Variants in TFB1M observed in about 807,000 individuals in gnomAD.
TFB1M encodes the protein dimethyladenosine transferase 1, mitochondrial.
TFB1M carries 27 observed loss-of-function variants against 31.1 expected under a neutral mutation model. The observed-to-expected ratio is 0.87, with a 90% CI of 0.64 to 1.20. TFB1M has a LOEUF of 1.20. Ranked by LOEUF, TFB1M falls within the 50% of genes most tolerant of loss-of-function variation. The pLI is 0.00. For synonymous variants in TFB1M, 166 were observed against 151.8 expected (o/e 1.09, Z -0.69); for missense variants, 394 against 418.7 (o/e 0.94, Z 0.51).
At position 155,305,569 on chromosome 6, in the gene TFB1M, TTA is replaced by T. The variant is rs569350896; in HGVS notation, c.285+5617_285+5618del. Among the ~76,000 whole-genome samples, 24 of 50,216 alleles carry T rather than the reference TTA, an allele frequency of 4.8e-4. 2 individuals are homozygous for T. Among genetic ancestry groups the T allele is most frequent in the African/African-American group, 1.2e-3 (11 of 9,464 alleles). The allele number at this position is 50,216 out of a possible 152,430, so 32.9% of individuals were successfully genotyped here. A position where few individuals can be genotyped will look rare whatever the true frequency, so the allele number is the denominator to read the frequency against. ...TATAAATATATATTAAATTATATAT[TTA>T]TATATATATTAAATTATATATTTAT... On this transcript the variant is annotated intron_variant, in intron 2 of 6. Coordinates refer to ENST00000367166, the MANE Select transcript of TFB1M (RefSeq NM_016020.4).
Position 155,257,717 on chromosome 6 carries a change from A to C in TFB1M, c.*119T>G. 1 of 1,222,914 alleles carries C rather than the reference A, an allele frequency of 8.2e-7. No individual in the cohort carries two copies. Among genetic ancestry groups the C allele is most frequent in the Non-Finnish European group, 1.2e-6 (1 of 856,990 alleles). 75.8% of individuals were successfully genotyped at this position (1,222,914 alleles called of 1,614,324 possible). A position where few individuals can be genotyped will look rare whatever the true frequency, so the allele number is the denominator to read the frequency against. ...CAAGCTGTATAGTAAAAGGAAAATA[A>C]GTCACATCTGGTCATTGGCATTTGT... On this transcript the variant is annotated 3_prime_UTR_variant, in exon 7 of 7. Coordinates refer to ENST00000367166, the MANE Select transcript of TFB1M (RefSeq NM_016020.4).
chr6:155,282,525 C>A (rs990900676), intron 5 of TFB1M, among the ~76,000 whole-genome samples: 2 of 152,156 alleles, frequency 1.3e-5, no homozygotes, highest in Non-Finnish European at 2.9e-5. Context: ...TAGTAAATTT[C>A]TTCTGAGCAT....
At chr6:155,250,891 A>C in the TFB1M span, 14 of 1,608,166 alleles carry the variant, frequency 8.7e-6, no homozygotes, top group East Asian at 3.1e-4. Context: ...TATCTTCCTT[A>C]CCTCCTGTTT....
At chr6:155,306,368 G>C (rs979368938) in intron 2 of TFB1M, among the ~76,000 whole-genome samples, 2 of 152,098 alleles carry the variant, frequency 1.3e-5, no homozygotes, top group African/African-American at 4.8e-5. Context: ...TCTACTCCTA[G>C]GTCTTTACTC....
rs1778143040 is a variant in TFB1M at position 155,314,134 on chromosome 6, C to A, written c.133+162G>T. On this transcript the variant is annotated intron_variant, in intron 1 of 6. Transcript: ENST00000367166. ...CAACGCACTTCACGTGTCTCCTGGG[C>A]GGTGGGACCGGAGTTCTGATACAAA... 3 of 1,476,682 alleles carry A rather than the reference C, an allele frequency of 2.0e-6. No homozygotes were observed. In the Admixed American group the frequency reaches 6.7e-5, roughly 33 times the overall value. 91.5% of individuals were successfully genotyped at this position (1,476,682 alleles called of 1,614,324 possible). A position where few individuals can be genotyped will look rare whatever the true frequency, so the allele number is the denominator to read the frequency against.
chr6:155,240,699 C>A, the TFB1M span: 1 of 1,611,648 alleles, frequency 6.2e-7, no homozygotes. Flanking sequence ...ACAGAGAAGT[C>A]CTACGTGAAG....
Position 155,256,603 on chromosome 6 carries a change from A to G in TFB1M, c.*1233T>C. The G allele has an allele frequency of 6.2e-7, 1 of 1,614,188 alleles. No homozygotes were observed. The highest frequency in any genetic ancestry group is 8.5e-7 in the Non-Finnish European group (1 of 1,180,038). ...CAGCTTGAGCAGCGGCACCCAGAGCAGCGGCTGCCCCACGGCTGAGGGCAG... is the reference window on the plus strand; with the variant it reads ...CAGCTTGAGCAGCGGCACCCAGAGCGGCGGCTGCCCCACGGCTGAGGGCAG... On this transcript the variant is annotated 3_prime_UTR_variant, in exon 7 of 7. Transcript: ENST00000367166.
intron 1 of TFB1M, 126 bp downstream of exon 1, chr6:155,314,170 G>A: frequency 3.9e-6 from 6 of 1,544,172 alleles, no homozygotes; most frequent in Non-Finnish European, 5.2e-6. Context: ...GAGGTCGAAG[G>A]ACCTGACCAA....
intron 2 of TFB1M, among the ~76,000 whole-genome samples, chr6:155,307,912 A>G (rs940351024): frequency 6.6e-6 from 1 of 151,776 alleles, no homozygotes; most frequent in African/African-American, 2.4e-5. Flanking sequence ...ATAAACAGAA[A>G]AAAAAAAAAA....
At chr6:155,310,973 G>A in intron 2 of TFB1M, 1 of 577,620 alleles carries the variant, frequency 1.7e-6, no homozygotes, top group South Asian at 2.2e-5. Context: ...TTTTTTTCAA[G>A]GTGTAGTCAA....
the TFB1M span, among the ~76,000 whole-genome samples, chr6:155,241,395 C>G: frequency 2.0e-5 from 3 of 152,136 alleles, no homozygotes; most frequent in Non-Finnish European, 4.4e-5. Context: ...TGAAGCAGCG[C>G]GGCACGGTGC....
At chr6:155,286,620 T>C (rs71575029) in intron 4 of TFB1M, among the ~76,000 whole-genome samples, 53,537 of 139,966 alleles carry the variant, frequency 0.38, 10,683 homozygotes, top group East Asian at 0.65. Context: ...TATATATGTG[T>C]ATATATGTGT....
chr6:155,238,380 C>T, the TFB1M span, among the ~76,000 whole-genome samples: 1 of 152,236 alleles, frequency 6.6e-6, no homozygotes, highest in African/African-American at 2.4e-5. Flanking sequence ...CTTCTGAGCC[C>T]TCCAAACTGT....
intron 1 of TFB1M, among the ~76,000 whole-genome samples, chr6:155,312,130 T>A (rs9480106): frequency 1.3e-5 from 2 of 152,174 alleles, no homozygotes; most frequent in Non-Finnish European, 2.9e-5. Flanking sequence ...CTGGTCTTCC[T>A]AGGATAGTGG....
intron 2 of TFB1M, among the ~76,000 whole-genome samples, chr6:155,302,106 G>A (rs1777456621): frequency 6.6e-6 from 1 of 152,140 alleles, no homozygotes; most frequent in South Asian, 2.1e-4. Context: ...ACTGGATGAG[G>A]AAAGAATTTA....
chr6:155,314,109 C>G, intron 1 of TFB1M, 187 bp downstream of exon 1: 1 of 1,476,274 alleles, frequency 6.8e-7, no homozygotes, highest in Middle Eastern at 2.5e-4. Context: ...TGTGAGCAAT[C>G]AACGCACTTC....
chr6:155,235,747 TCTG>T, the TFB1M span, among the ~76,000 whole-genome samples: 5 of 152,230 alleles, frequency 3.3e-5, no homozygotes, highest in African/African-American at 1.2e-4. Flanking sequence ...AAGAAGTAAA[TCTG>T]CTATGAAAAA....
At chr6:155,271,348 C>A (rs1426199928) in intron 5 of TFB1M, among the ~76,000 whole-genome samples, 4 of 152,136 alleles carry the variant, frequency 2.6e-5, no homozygotes, top group African/African-American at 9.7e-5. Flanking sequence ...TGATCACAGT[C>A]TTATCTGATG....
chr6:155,265,191 G>C (rs1784572842), intron 5 of TFB1M, among the ~76,000 whole-genome samples: 1 of 152,202 alleles, frequency 6.6e-6, no homozygotes, highest in African/African-American at 2.4e-5. Flanking sequence ...AGGCTGCCCA[G>C]CCGGGCCATG....
Sources: gnomAD v4.1 joint callset for allele counts (sites outside exome capture counted in the v4.1 genomes callset) on GRCh38, gnomAD v4.1.1 for gene constraint, MANE v1.5 for transcripts, NCBI Gene and HGNC (gene_info 2026-07-23, HGNC 2026-07-21) for gene names.